CDKL5: variants seen among roughly 807,000 people sequenced by gnomAD.
CDKL5 encodes the protein cyclin-dependent kinase-like 5.
CDKL5 carries 8 observed loss-of-function variants against 61.7 expected under a neutral mutation model. The observed-to-expected ratio is 0.13, with a 90% CI of 0.08 to 0.23. The LOEUF is 0.23. Ranked by LOEUF, CDKL5 falls within the 10% of genes least tolerant of loss-of-function variation. The probability of loss-of-function intolerance (pLI) is 1.00; values close to 1 mark genes in which losing one functional copy is unlikely to be tolerated. For synonymous variants in CDKL5, 275 were observed against 272.3 expected (o/e 1.01, Z -0.10); for missense variants, 440 against 734.5 (o/e 0.60, Z 4.63).
At chrX:18,616,620 C>T (rs1268494368) in intron 15 of CDKL5, among the ~76,000 whole-genome samples, 12 of 105,916 alleles carry the variant, frequency 1.1e-4, no homozygotes, top group Non-Finnish European at 1.9e-4. Flanking sequence ...AGCGAAACTC[C>T]GTCTAAAAAA....
intron 1 of CDKL5, among the ~76,000 whole-genome samples, chrX:18,480,403 T>G (rs1278718486): frequency 1.8e-5 from 2 of 112,215 alleles, no homozygotes; most frequent in African/African-American, 6.5e-5. Flanking sequence ...ATCAACATGC[T>G]TATCACTATT....
chrX:18,561,452 A>C (rs1193767185), intron 3 of CDKL5, among the ~76,000 whole-genome samples: 1 of 110,905 alleles, frequency 9.0e-6, no homozygotes, highest in Non-Finnish European at 1.9e-5. Context: ...AAAAAAAATT[A>C]TAGCTCATGT....
At chrX:18,562,654 T>G (rs1019948539) in intron 3 of CDKL5, among the ~76,000 whole-genome samples, 15 of 112,253 alleles carry the variant, frequency 1.3e-4, no homozygotes, top group Non-Finnish European at 1.1e-4. Context: ...TTAAATTCTT[T>G]CCAGTATCTT....
At chrX:18,598,396 G>A in intron 10 of CDKL5, 66 bp from the exon 11 acceptor site, 2 of 917,703 alleles carry the variant, frequency 2.2e-6, no homozygotes, top group Middle Eastern at 2.9e-4. Context: ...AAAAAAATAA[G>A]GTTTTTATTA....
chrX:18,451,340 C>T (rs1932011775), intron 1 of CDKL5, among the ~76,000 whole-genome samples: 1 of 110,210 alleles, frequency 9.1e-6, no homozygotes, highest in Non-Finnish European at 1.9e-5. Flanking sequence ...TACAGGCGCC[C>T]GCCACCACAC....
At chrX:18,471,569 C>T (rs1016811019) in intron 1 of CDKL5, among the ~76,000 whole-genome samples, 5 of 110,186 alleles carry the variant, frequency 4.5e-5, no homozygotes, top group African/African-American at 6.6e-5. Flanking sequence ...GACGAGGTCT[C>T]CTTATGTTGT....
Position 18,562,529 on chromosome X carries a change from G to A in CDKL5, c.100-1948G>A, listed in dbSNP as rs368653237. Among the ~76,000 whole-genome samples the A allele has an allele frequency of 2.5e-4, 28 of 111,928 alleles. 1 individual carries two copies. The highest frequency in any genetic ancestry group is 2.0e-3 in the East Asian group (7 of 3,588). On this transcript the variant is annotated intron_variant, in intron 3 of 17. Coordinates refer to ENST00000623535, the MANE Select transcript of CDKL5 (RefSeq NM_001323289.2). ...AGAAAATATACCAAAATATTAACAA[G>A]GGTTAATTTTGTAAATGTCTTCTCT... is the stretch of plus-strand genomic sequence containing the variant.
intron 1 of CDKL5, among the ~76,000 whole-genome samples, chrX:18,432,208 C>G (rs1001033650): frequency 9.3e-6 from 1 of 107,342 alleles, no homozygotes; most frequent in African/African-American, 3.4e-5. Context: ...AAGCGATTCT[C>G]CTGCCTCAGC....
chrX:18,529,533 G>A lies in CDKL5; in HGVS notation c.99+18679G>A, dbSNP rs533541759. Among the ~76,000 whole-genome samples, 26 of 110,841 alleles carry A rather than the reference G, an allele frequency of 2.3e-4. No homozygotes were observed. In the South Asian group the frequency reaches 9.0e-3, roughly 38 times the overall value. On this transcript the variant is annotated intron_variant, in intron 3 of 17. Transcript: ENST00000623535. ...CTTTCTCTCTGAATAACTTTTTAAAGCATTTTTAAAGGGCAGGTCTACTGG... is the reference window on the plus strand; with the variant it reads ...CTTTCTCTCTGAATAACTTTTTAAAACATTTTTAAAGGGCAGGTCTACTGG...
rs1921935264 is a variant in CDKL5, at chrX:18,489,998, C to A, written c.-162-16937C>A. ...GGGCTGTATCACAGTTCGTGGTCTT[C>A]ATATTTCGCTCAGAATAAATCTCTT... is the stretch of plus-strand genomic sequence containing the variant. On this transcript the variant is annotated intron_variant, in intron 1 of 17. Transcript: ENST00000623535. Among the ~76,000 whole-genome samples, 9 of 111,543 alleles carry A rather than the reference C, an allele frequency of 8.1e-5. 1 individual carries two copies. Among genetic ancestry groups the A allele is most frequent in the Admixed American group, 6.7e-4 (7 of 10,425 alleles).
At chrX:18,542,769 A>C (rs1238198856) in intron 3 of CDKL5, among the ~76,000 whole-genome samples, 1 of 109,352 alleles carries the variant, frequency 9.1e-6, no homozygotes, top group African/African-American at 3.3e-5. Context: ...GATAAGGGCA[A>C]ATGTGTATAT....
At chrX:18,513,985 G>T (rs1276075222) in intron 3 of CDKL5, among the ~76,000 whole-genome samples, 1 of 112,067 alleles carries the variant, frequency 8.9e-6, no homozygotes, top group Non-Finnish European at 1.9e-5. Flanking sequence ...TCAGGTCTGT[G>T]TGATTGTTTA....
chrX:18,426,834 C>T (rs1047608528), intron 1 of CDKL5: 2 of 112,512 alleles, frequency 1.8e-5, no homozygotes, highest in African/African-American at 6.4e-5. Flanking sequence ...TTTTAGGTAA[C>T]ATCTGCTGGA....
chrX:18,439,730 G>A (rs1340440747), intron 1 of CDKL5, among the ~76,000 whole-genome samples: 1 of 108,381 alleles, frequency 9.2e-6, no homozygotes, highest in Non-Finnish European at 1.9e-5. Context: ...CCAGCTACTC[G>A]GGTGGCTGAG....
chrX:18,480,295 A>G (rs1043797261), intron 1 of CDKL5, among the ~76,000 whole-genome samples: 2 of 111,448 alleles, frequency 1.8e-5, no homozygotes, highest in African/African-American at 3.3e-5. Context: ...GATTTGTCTG[A>G]TGTTTTCCTT....
At chrX:18,539,373 G>A (rs1923944993) in intron 3 of CDKL5, among the ~76,000 whole-genome samples, 1 of 111,677 alleles carries the variant, frequency 9.0e-6, no homozygotes, top group African/African-American at 3.2e-5. Context: ...TACTGCTTAA[G>A]CTGCATCCCA....
In CDKL5 at chrX:18,454,890, AT is replaced by A. The variant is rs759341960; in HGVS notation, c.-163+29215del. The stretch of plus-strand genomic sequence containing the variant: ...CATCACTATAATAGTTCTCAAGTGT[AT>A]TTTTTTTTTTTTTTTTTTTGAGACC... On this transcript the variant is annotated intron_variant, in intron 1 of 17. Coordinates refer to ENST00000623535, the MANE Select transcript of CDKL5 (RefSeq NM_001323289.2). 9.0e-3 allele frequency among the ~76,000 whole-genome samples: 722 copies of A among 80,228 alleles called. 4 individuals carry two copies. The highest frequency in any genetic ancestry group is 0.036 in the Middle Eastern group (4 of 111). The allele number at this position is 80,228 out of a possible 115,157, so 69.7% of individuals were successfully genotyped here. A position where few individuals can be genotyped will look rare whatever the true frequency, so the allele number is the denominator to read the frequency against.
At position 18,608,880 on chromosome X, in the gene CDKL5, A is replaced by T. The variant is rs1926449880; in HGVS notation, c.2014A>T (p.Thr672Ser). The T allele has an allele frequency of 8.3e-7, 1 of 1,200,516 alleles. No individual in the cohort carries two copies. The highest frequency in any genetic ancestry group is 1.8e-5 in the African/African-American group (1 of 56,848). Residue 672 changes from threonine to serine, a missense_variant, in exon 13 of 18, where the codon ACC becomes TCC. Thr to Ser is a moderately conservative substitution (Grantham distance 58). Transcript: ENST00000623535. ...SSVKETSREG[T>S]SSFHTRQKSE... The stretch of plus-strand genomic sequence containing the variant: ...GGTCAAAGAGACCTCCAGAGAAGGC[A>T]CCTCTTCCTTCCATACACGCCAGAA...
chrX:18,605,754 A>G (rs963224516), intron 12 of CDKL5, among the ~76,000 whole-genome samples: 4 of 112,657 alleles, frequency 3.6e-5, no homozygotes, highest in African/African-American at 9.7e-5. Flanking sequence ...TGCTTCTGTG[A>G]TTGTGGAGGC....
Sources: gnomAD v4.1 joint callset for allele counts (sites outside exome capture counted in the v4.1 genomes callset) on GRCh38, gnomAD v4.1.1 for gene constraint, MANE v1.5 for transcripts, NCBI Gene and HGNC (gene_info 2026-07-23, HGNC 2026-07-21) for gene names.